The following ZNF823 variants were observed in gnomAD, a reference collection of about 807,000 sequenced individuals.
The protein encoded by ZNF823 is zinc finger protein 823.
In ZNF823, 5 loss-of-function variants were observed where a neutral mutation model predicts 11.4. The observed-to-expected ratio is 0.44, with a 90% CI of 0.23 to 0.92. The LOEUF is 0.92. ZNF823 is among the 40% of genes least tolerant of loss of function. The pLI, the probability that ZNF823 is intolerant of heterozygous loss-of-function variation, is 0.24. For synonymous variants in ZNF823, 234 were observed against 250.5 expected, an observed-to-expected ratio of 0.93 and a Z score of 0.62; for missense variants, 582 against 738.5, an observed-to-expected ratio of 0.79 and a Z score of 2.46.
intron 1 of ZNF823, among the ~76,000 whole-genome samples, chr19:11,736,144 G>A (rs920605020): frequency 1.3e-5 from 2 of 152,064 alleles, no homozygotes; most frequent in Non-Finnish European, 2.9e-5. Flanking sequence ...TCATTTTTCT[G>A]CAGTCATAAA....
intron 1 of ZNF823, among the ~76,000 whole-genome samples, chr19:11,731,747 C>G (rs1056751868): frequency 3.9e-5 from 6 of 152,158 alleles, no homozygotes; most frequent in Non-Finnish European, 5.9e-5. Flanking sequence ...CAGTGGCTCA[C>G]GCCTGTAATC....
In ZNF823 at chr19:11,724,190, T is replaced by C; in HGVS notation, c.191+4A>G. ...CATAGCTTTCTTTTGTGGGTGCAAATTACCTTAGATTTCTCTTGGCATTTT... is the reference window on the plus strand; with the variant it reads ...CATAGCTTTCTTTTGTGGGTGCAAACTACCTTAGATTTCTCTTGGCATTTT... On this transcript the variant is annotated splice_donor_region_variant and intron_variant, in intron 3 of 3. Transcript: ENST00000341191. 1 of 1,605,398 alleles carries C rather than the reference T, an allele frequency of 6.2e-7. No homozygotes were observed. The highest frequency in any genetic ancestry group is 8.5e-7 in the Non-Finnish European group (1 of 1,175,842).
intron 1 of ZNF823, among the ~76,000 whole-genome samples, chr19:11,728,671 A>G (rs1435549959): frequency 6.6e-6 from 1 of 152,258 alleles, no homozygotes; most frequent in African/African-American, 2.4e-5. Flanking sequence ...TAGACTTACT[A>G]TACTAATAGA....
Position 11,724,232 on chromosome 19 carries a change from G to A in ZNF823, c.153C>T (p.Asn51=). The A allele has an allele frequency of 1.9e-6, 3 of 1,608,266 alleles. No homozygotes were observed. The highest frequency in any genetic ancestry group is 2.5e-6 in the Non-Finnish European group (3 of 1,177,642). ...TGGCATTTTGGCACTGATCTCCAAT[G>A]TTCTGGTCCTCCCATTTCATTTCTA... ...DCIEMKWEDQ[N]IGDQCQNAKR... Residue 51 remains asparagine, a synonymous_variant, in exon 3 of 4, where the codon AAC becomes AAT. Coordinates refer to ENST00000341191, the MANE Select transcript of ZNF823 (RefSeq NM_001080493.4).
At chr19:11,724,597 C>T (rs1461620568) in intron 2 of ZNF823, among the ~76,000 whole-genome samples, 3 of 139,842 alleles carry the variant, frequency 2.1e-5, no homozygotes, top group African/African-American at 5.4e-5. Flanking sequence ...CCCGCTCTGT[C>T]GCCCAGGCTG....
intron 1 of ZNF823, among the ~76,000 whole-genome samples, chr19:11,731,942 GA>G (rs1266130559): frequency 2.7e-5 from 4 of 149,908 alleles, no homozygotes; most frequent in East Asian, 2.0e-4. Flanking sequence ...CCGTGAGGCA[GA>G]GGTTGCGATG....
At chr19:11,724,363 G>A (rs1974751258) in intron 2 of ZNF823, 109 bp from the exon 3 acceptor site, 2 of 947,030 alleles carry the variant, frequency 2.1e-6, no homozygotes, top group East Asian at 2.7e-5. Context: ...CAAAGTACAT[G>A]TGACTCTTCA....
Position 11,738,839 on chromosome 19 carries a change from C to A in ZNF823, c.-20G>T. The stretch of plus-strand genomic sequence containing the variant: ...CACCATTTCCCAGCTTCCAGGTGTC[C>A]GGGTGTCCTCCTTAAAAGCCAGTGT... On this transcript the variant is annotated 5_prime_UTR_variant, in exon 1 of 4. Coordinates refer to ENST00000341191, the MANE Select transcript of ZNF823 (RefSeq NM_001080493.4). 6.2e-7 allele frequency: 1 copy of A among 1,608,262 alleles called. No individual in the cohort carries two copies. Among genetic ancestry groups the A allele is most frequent in the Non-Finnish European group, 8.5e-7 (1 of 1,177,464 alleles).
At chr19:11,724,120 C>G in intron 3 of ZNF823, 74 bp downstream of exon 3, 1 of 1,252,238 alleles carries the variant, frequency 8.0e-7, no homozygotes, top group Non-Finnish European at 1.1e-6. Flanking sequence ...ATTTTCTCTG[C>G]TCGTTTTTAA....
intron 2 of ZNF823, among the ~76,000 whole-genome samples, chr19:11,724,715 C>G (rs1043293515): frequency 1.3e-5 from 2 of 151,740 alleles, no homozygotes; most frequent in Non-Finnish European, 2.9e-5. Context: ...TCCGCCATCA[C>G]GCCCGGCTAA....
chr19:11,732,169 C>CT lies in ZNF823; in HGVS notation c.3+6647dup, dbSNP rs1170787951. 5.3e-3 allele frequency among the ~76,000 whole-genome samples: 721 copies of CT among 135,568 alleles called. 15 individuals carry two copies. Among genetic ancestry groups the CT allele is most frequent in the Non-Finnish European group, 8.3e-3 (530 of 63,622 alleles). The allele number at this position is 135,568 out of a possible 152,430, so 88.9% of individuals were successfully genotyped here. A position where few individuals can be genotyped will look rare whatever the true frequency, so the allele number is the denominator to read the frequency against. ...AGGGCAGGGATGGTTAAAGGTTTCC[C>CT]TTTTTTTTTTTTTGAGATGGAGTCT... On this transcript the variant is annotated intron_variant, in intron 1 of 3. Coordinates refer to ENST00000341191, the MANE Select transcript of ZNF823 (RefSeq NM_001080493.4).
chr19:11,731,666 A>G (rs1265268158), intron 1 of ZNF823, among the ~76,000 whole-genome samples: 2 of 152,128 alleles, frequency 1.3e-5, no homozygotes, highest in Non-Finnish European at 2.9e-5. Flanking sequence ...CCAGGAACTA[A>G]CCTTTTAACC....
intron 1 of ZNF823, among the ~76,000 whole-genome samples, chr19:11,737,219 T>C (rs748932750): frequency 1.1e-4 from 16 of 152,216 alleles, no homozygotes; most frequent in Admixed American, 2.6e-4. Flanking sequence ...CGGGTATCTC[T>C]GTGTAGACAA....
intron 1 of ZNF823, chr19:11,730,764 A>G (rs1221752711): frequency 1.3e-5 from 2 of 152,294 alleles, no homozygotes; most frequent in Non-Finnish European, 2.9e-5. Flanking sequence ...ATACATGCCA[A>G]CGGGTTTTCC....
At position 11,722,078 on chromosome 19, in the gene ZNF823, G is replaced by A; in HGVS notation, c.1456C>T (p.Leu486Phe). 1 of 1,607,188 alleles carries A rather than the reference G, an allele frequency of 6.2e-7. No homozygotes were observed. The highest frequency in any genetic ancestry group is 8.5e-7 in the Non-Finnish European group (1 of 1,178,016). Reference protein sequence around the residue: ...CGKAFSCFKYLSQHKRTHTVE... With the variant: ...CGKAFSCFKYFSQHKRTHTVE... ...GTGTGGGTCCTTTTATGTTGAGAAAGGTATTTGAAACAACTGAATGCTTTC... is the reference window on the plus strand; with the variant it reads ...GTGTGGGTCCTTTTATGTTGAGAAAAGTATTTGAAACAACTGAATGCTTTC... The change falls in exon 4 of 4, where the codon CTT becomes TTT. Residue 486 changes from leucine to phenylalanine, a missense_variant. Leu to Phe is a conservative substitution (Grantham distance 22). Coordinates refer to ENST00000341191, the MANE Select transcript of ZNF823 (RefSeq NM_001080493.4). This position sits in a 1 kb window ranked among gnomAD's most constrained non-coding sequence, Gnocchi z 5.2.
chr19:11,737,723 T>C (rs938150701), intron 1 of ZNF823, among the ~76,000 whole-genome samples: 3 of 152,270 alleles, frequency 2.0e-5, no homozygotes, highest in South Asian at 4.1e-4. Context: ...GTTTGAAATA[T>C]TGCCTGAGGG....
At chr19:11,735,081 C>T (rs893175134) in intron 1 of ZNF823, among the ~76,000 whole-genome samples, 31 of 151,912 alleles carry the variant, frequency 2.0e-4, no homozygotes, top group Admixed American at 5.9e-4. Flanking sequence ...TCGAGACCAG[C>T]CTGGCCAACA....
Position 11,722,172 on chromosome 19 carries a change from A to G in ZNF823, c.1362T>C (p.Asp454=). Residue 454 remains aspartate (D), a synonymous_variant, in exon 4 of 4, where the codon GAT becomes GAC. Transcript: ENST00000341191. This position sits in a 1 kb window ranked among gnomAD's most constrained non-coding sequence, Gnocchi z 5.2. The part of the protein sequence containing the change: ...YKCQCGKAFS[D]LSSFQNHETT... ...TCTCATGATTTTGAAAGGAAGAGAG[A>G]TCACTAAAGGCTTTCCCACACTGAC... is the stretch of plus-strand genomic sequence containing the variant. 1.2e-6 allele frequency: 2 copies of G among 1,614,136 alleles called. No homozygotes were observed. Among genetic ancestry groups the G allele is most frequent in the Admixed American group, 3.3e-5 (2 of 60,018 alleles).
chr19:11,726,137 G>A (rs1446413496), intron 1 of ZNF823: 2 of 150,450 alleles, frequency 1.3e-5, no homozygotes, highest in Non-Finnish European at 3.0e-5. Context: ...CAGCTACCCA[G>A]GATGCTGAGG....
Sources: allele counts gnomAD v4.1 joint callset (sites outside exome capture counted in the v4.1 genomes callset), GRCh38; gene constraint gnomAD v4.1.1; non-coding constraint Gnocchi (gnomAD v3.1); transcripts MANE v1.5; gene names NCBI Gene and HGNC (gene_info 2026-07-23, HGNC 2026-07-21).